The following CDH12 variants were observed in gnomAD, a reference collection of about 807,000 sequenced individuals.
CDH12 encodes cadherin-12.
CDH12 carries 41 observed loss-of-function variants against 74.1 expected under a neutral mutation model. The ratio of observed to expected loss-of-function variants is 0.55; its 90% CI spans 0.43 to 0.72. CDH12 has a LOEUF of 0.72. Among genes scored for constraint, CDH12 ranks in the 30% least tolerant of loss-of-function variants. CDH12 has a pLI of 0.00. For synonymous variants in CDH12, 399 were observed against 355.0 expected (o/e 1.12, Z -1.39); for missense variants, 945 against 977.2 (o/e 0.97, Z 0.44).
intron 6 of CDH12, among the ~76,000 whole-genome samples, chr5:21,954,044 A>G (rs946145257): frequency 6.6e-6 from 1 of 152,086 alleles, no homozygotes; most frequent in Non-Finnish European, 1.5e-5. Context: ...TCTAAGATAT[A>G]AAATAAGCTC....
At chr5:21,998,695 G>T (rs1437698086) in intron 5 of CDH12, among the ~76,000 whole-genome samples, 1 of 152,064 alleles carries the variant, frequency 6.6e-6, no homozygotes, top group Non-Finnish European at 1.5e-5. Flanking sequence ...GCAGTAAATA[G>T]TTCCTTACAT....
intron 1 of CDH12, among the ~76,000 whole-genome samples, chr5:22,513,121 C>T (rs1002256564): frequency 1.3e-5 from 2 of 152,196 alleles, no homozygotes; most frequent in African/African-American, 2.4e-5. Flanking sequence ...ATAGAATAAT[C>T]CCAGTAAAAT....
chr5:21,913,721 G>A (rs1385749788), intron 6 of CDH12, among the ~76,000 whole-genome samples: 2 of 152,004 alleles, frequency 1.3e-5, no homozygotes, highest in African/African-American at 2.4e-5. Context: ...TGTCAACCAC[G>A]CTGGAGTGCA....
chr5:22,804,181 T>G (rs1006777931), intron 1 of CDH12, among the ~76,000 whole-genome samples: 4 of 152,196 alleles, frequency 2.6e-5, no homozygotes, highest in African/African-American at 7.2e-5. Context: ...TGGCGGCCAC[T>G]AAATGGGAAA....
intron 1 of CDH12, among the ~76,000 whole-genome samples, chr5:22,803,201 C>T (rs141236878): frequency 3.7e-4 from 56 of 152,258 alleles, no homozygotes; most frequent in Admixed American, 3.1e-3. Flanking sequence ...GCATTATTTT[C>T]GTGTTAGTCT....
intron 2 of CDH12, among the ~76,000 whole-genome samples, chr5:22,484,381 A>G (rs1746503539): frequency 6.6e-6 from 1 of 152,214 alleles, no homozygotes; most frequent in African/African-American, 2.4e-5. Flanking sequence ...AATTAAAGAG[A>G]GTAGACACAG....
chr5:21,862,123 A>G (rs1403207572), intron 6 of CDH12, among the ~76,000 whole-genome samples: 1 of 151,870 alleles, frequency 6.6e-6, no homozygotes, highest in Non-Finnish European at 1.5e-5. Context: ...ATTATCCTTT[A>G]GTTGTGTTTG....
rs775635864 is a variant in CDH12, at chr5:21,752,224, A to G, written c.1898T>C (p.Leu633Pro). The G allele has an allele frequency of 1.3e-6, 2 of 1,597,182 alleles. No individual in the cohort carries two copies. The highest frequency in any genetic ancestry group is 1.7e-6 in the Non-Finnish European group (2 of 1,171,968). ...CTTCTGCCTTCGCAGTGCTACATAC[A>G]GTACAACTATGGCTGGAACAAGACA... ...CIVILLAIVV[L>P]YVALRRQKKK... Residue 633 changes from leucine to proline, a missense_variant, in exon 15 of 15, where the codon CTG becomes CCG. Around this residue, in one of 3 missense-constraint regions of CDH12, gnomAD observed 791 missense variants for 792.8 expected, o/e 1.00. Transcript: ENST00000382254.
Position 22,618,020 on chromosome 5 carries a change from C to T in CDH12, c.-522-112656G>A, listed in dbSNP as rs182648357. ...TTTGACAGATGCAGAAACTGAGAAT[C>T]GGAAGTCAACCAGTCTCTCCAGTTT... On this transcript the variant is annotated intron_variant, in intron 1 of 14. Transcript: ENST00000382254. 1.4e-3 allele frequency among the ~76,000 whole-genome samples: 216 copies of T among 152,038 alleles called. 3 individuals are homozygous for T. Among genetic ancestry groups the T allele is most frequent in the Non-Finnish European group, 1.1e-3 (73 of 67,956 alleles).
In CDH12 at chr5:22,314,015, C is replaced by T. The variant is rs757695240; in HGVS notation, c.-333+91242G>A. On this transcript the variant is annotated intron_variant, in intron 3 of 14. Coordinates refer to ENST00000382254, the MANE Select transcript of CDH12 (RefSeq NM_004061.5). Reference sequence around the variant, plus strand: ...CTCTGTTTAAGAATGTATGGTAGGGCTAGGGTTGACGGCAGAAAGTGGAAA... The same window carrying T: ...CTCTGTTTAAGAATGTATGGTAGGGTTAGGGTTGACGGCAGAAAGTGGAAA... Among the ~76,000 whole-genome samples, 7 of 152,064 alleles carry T rather than the reference C, an allele frequency of 4.6e-5. 1 individual carries two copies. The highest frequency in any genetic ancestry group is 1.9e-4 in the East Asian group (1 of 5,182).
intron 1 of CDH12, among the ~76,000 whole-genome samples, chr5:22,713,590 GTGT>G (rs1743408981): frequency 1.3e-5 from 1 of 79,768 alleles, no homozygotes; most frequent in African/African-American, 4.5e-5. Context: ...CACTGCGTAA[GTGT>G]TTTCAATAAA....
At chr5:22,121,920 C>G (rs1455340857) in intron 4 of CDH12, among the ~76,000 whole-genome samples, 2 of 151,994 alleles carry the variant, frequency 1.3e-5, no homozygotes, top group Non-Finnish European at 2.9e-5. Context: ...CATCTTTTTA[C>G]TATATTACAT....
chr5:22,013,067 T>C (rs1220407136), intron 5 of CDH12, among the ~76,000 whole-genome samples: 1 of 151,574 alleles, frequency 6.6e-6, no homozygotes, highest in Non-Finnish European at 1.5e-5. Context: ...TGTCAAAACA[T>C]GCTGTTTTAC....
At chr5:22,278,215 C>T (rs530365913) in intron 3 of CDH12, among the ~76,000 whole-genome samples, 1 of 152,096 alleles carries the variant, frequency 6.6e-6, no homozygotes, top group South Asian at 2.1e-4. Context: ...ATCCAAGTTG[C>T]TTCTTATTTA....
At chr5:22,642,536 T>C (rs1739205583) in intron 1 of CDH12, among the ~76,000 whole-genome samples, 1 of 152,196 alleles carries the variant, frequency 6.6e-6, no homozygotes, top group Non-Finnish European at 1.5e-5. Context: ...ATAAATTGTA[T>C]TACACTTACG....
chr5:22,096,295 G>A (rs1037266629), intron 4 of CDH12, among the ~76,000 whole-genome samples: 8 of 152,072 alleles, frequency 5.3e-5, no homozygotes, highest in South Asian at 2.1e-4. Flanking sequence ...AATTCTTGTC[G>A]TAAAATAGGC....
chr5:22,559,014 G>A (rs940887951), intron 1 of CDH12, among the ~76,000 whole-genome samples: 3 of 152,082 alleles, frequency 2.0e-5, no homozygotes, highest in African/African-American at 7.2e-5. Context: ...GCTTAAGTAA[G>A]TGACTTTCAC....
intron 7 of CDH12, among the ~76,000 whole-genome samples, chr5:21,847,986 T>C (rs560778366): frequency 1.5e-4 from 23 of 152,232 alleles, no homozygotes; most frequent in Non-Finnish European, 2.1e-4. Context: ...ACCAGGCATA[T>C]AGTAGGCACT....
At chr5:22,228,630 A>G (rs1752276326) in intron 3 of CDH12, among the ~76,000 whole-genome samples, 1 of 152,128 alleles carries the variant, frequency 6.6e-6, no homozygotes, top group South Asian at 2.1e-4. Context: ...GATACCAAGT[A>G]GTATGTATTT....
Sources: allele counts gnomAD v4.1 joint callset (sites outside exome capture counted in the v4.1 genomes callset), GRCh38; gene constraint gnomAD v4.1.1; regional missense constraint gnomAD v4.1.1; transcripts MANE v1.5; gene names NCBI Gene and HGNC (gene_info 2026-07-23, HGNC 2026-07-21).